MANF: variants seen among roughly 807,000 people sequenced by gnomAD.
MANF encodes mesencephalic astrocyte-derived neurotrophic factor.
Under a neutral mutation model 19.1 loss-of-function variants are expected in MANF, and 9 were observed. The observed-to-expected ratio is 0.47, with a 90% CI of 0.28 to 0.82. The LOEUF is 0.82. Among genes scored for constraint, MANF ranks in the 40% least tolerant of loss-of-function variants. The probability of loss-of-function intolerance (pLI) is 0.10; values close to 1 mark genes in which losing one functional copy is unlikely to be tolerated. For missense variants in MANF, 225 were observed against 226.7 expected, an observed-to-expected ratio of 0.99 and a Z score of 0.05; for synonymous variants, 89 against 88.0, an observed-to-expected ratio of 1.01 and a Z score of -0.06.
rs537784377 is a variant in MANF, at chr3:51,385,639, C to G, written c.94+203C>G. The G allele has an allele frequency of 4.2e-5, 16 of 382,222 alleles. No homozygotes were observed. In the South Asian group the frequency reaches 1.9e-3, roughly 44 times the overall value. The allele number at this position is 382,222 out of a possible 1,614,324, so 23.7% of individuals were successfully genotyped here. On this transcript the variant is annotated intron_variant, in intron 1 of 3. Coordinates refer to ENST00000528157, the MANE Select transcript of MANF (RefSeq NM_006010.6). ...TTCTTGGGCCTAGAAAACATTGGTC[C>G]GACGAAGAAAAGTTGAGACTAGATC...
At chr3:51,386,022 G>A in intron 1 of MANF, 186 bp from the exon 2 acceptor site, 1 of 607,084 alleles carries the variant, frequency 1.6e-6, no homozygotes, top group South Asian at 2.0e-5. Context: ...GGTGTACCAG[G>A]GGACCCCCGC....
Position 51,389,180 on chromosome 3 carries a change from G to C in MANF, c.*91G>C. 1 of 1,145,314 alleles carries C rather than the reference G, an allele frequency of 8.7e-7. No individual in the cohort carries two copies. The highest frequency in any genetic ancestry group is 1.3e-6 in the Non-Finnish European group (1 of 796,830). 70.9% of individuals were successfully genotyped at this position (1,145,314 alleles called of 1,614,324 possible). A position where few individuals can be genotyped will look rare whatever the true frequency, so the allele number is the denominator to read the frequency against. ...TTTTTGTAATTTATTTTTTAAGTGG[G>C]CTCCTGACAATACTGTATCAGATGT... On this transcript the variant is annotated 3_prime_UTR_variant, in exon 4 of 4. Coordinates refer to ENST00000528157, the MANE Select transcript of MANF (RefSeq NM_006010.6).
intron 1 of MANF, chr3:51,385,983 T>C (rs1199154391): frequency 1.4e-5 from 8 of 560,766 alleles, no homozygotes; most frequent in East Asian, 9.1e-5. Context: ...TATAGGTCAT[T>C]GGGTGATGCT....
intron 2 of MANF, 97 bp downstream of exon 2, chr3:51,386,432 A>AG: frequency 7.3e-7 from 1 of 1,370,118 alleles, no homozygotes; most frequent in Non-Finnish European, 1.0e-6. Context: ...CTCTCTGTTC[A>AG]GGAAGCCAGC....
At chr3:51,388,883 C>A (rs1553621143) in intron 3 of MANF, 22 bp from the exon 4 acceptor site, 1 of 1,531,600 alleles carries the variant, frequency 6.5e-7, no homozygotes, top group African/African-American at 1.4e-5. Flanking sequence ...CAGTCAGTGA[C>A]TCTCCCTGCT....
intron 1 of MANF, 32 bp downstream of exon 1, chr3:51,385,468 G>C: frequency 2.5e-6 from 3 of 1,208,490 alleles, no homozygotes; most frequent in Non-Finnish European, 3.1e-6. Flanking sequence ...GCCGCGCTCC[G>C]TGACCGTTCT....
chr3:51,386,573 C>T (rs1266732162), intron 2 of MANF, among the ~76,000 whole-genome samples: 2 of 152,158 alleles, frequency 1.3e-5, no homozygotes, highest in Admixed American at 1.3e-4. Context: ...GTGCTAGGCA[C>T]TGGGAATATC....
chr3:51,386,718 C>T (rs782412204), intron 2 of MANF, among the ~76,000 whole-genome samples: 1 of 152,188 alleles, frequency 6.6e-6, no homozygotes. Flanking sequence ...GGGGTAAGAC[C>T]ATCCCATACA....
intron 2 of MANF, chr3:51,387,144 G>A (rs1197489557): frequency 1.2e-5 from 4 of 334,446 alleles, no homozygotes; most frequent in Non-Finnish European, 2.4e-5. Flanking sequence ...GCAAAGTGGT[G>A]AAATCCTGTC....
chr3:51,389,124 A>C lies in MANF; in HGVS notation c.*35A>C, dbSNP rs1553621210. The C allele has an allele frequency of 6.3e-7, 1 of 1,579,176 alleles. No individual in the cohort carries two copies. The highest frequency in any genetic ancestry group is 2.3e-5 in the East Asian group (1 of 44,274). On this transcript the variant is annotated 3_prime_UTR_variant, in exon 4 of 4. Transcript: ENST00000528157. ...TCTCTGTTGCACCTGAGGGGGAAAAAACAGTTCAACTGCTTACTCCCAAAA... is the reference window on the plus strand; with the variant it reads ...TCTCTGTTGCACCTGAGGGGGAAAACACAGTTCAACTGCTTACTCCCAAAA...
At position 51,385,531 on chromosome 3, in the gene MANF, G is replaced by C. The variant is rs1300777655; in HGVS notation, c.94+95G>C. On this transcript the variant is annotated intron_variant, in intron 1 of 3. Coordinates refer to ENST00000528157, the MANE Select transcript of MANF (RefSeq NM_006010.6). ...ACCAGACGGCCGGGGCCAAGAGGGC[G>C]AGGGCGGGGGCGGGGGCGGGGGCGA... 4.3e-5 allele frequency: 26 copies of C among 606,624 alleles called. No individual in the cohort carries two copies. The Admixed American group carries it at 1.2e-3, about 28-fold the overall frequency. The allele number at this position is 606,624 out of a possible 1,614,324, so 37.6% of individuals were successfully genotyped here. A position where few individuals can be genotyped will look rare whatever the true frequency, so the allele number is the denominator to read the frequency against.
Position 51,389,092 on chromosome 3 carries a change from T to C in MANF, c.*3T>C, listed in dbSNP as rs781887937. On this transcript the variant is annotated 3_prime_UTR_variant, in exon 4 of 4. Coordinates refer to ENST00000528157, the MANE Select transcript of MANF (RefSeq NM_006010.6). ...CCAGTGCACGGACCGATTTGTAGTC[T>C]GCTCAATCTCTGTTGCACCTGAGGG... is the stretch of plus-strand genomic sequence containing the variant. The C allele has an allele frequency of 1.2e-6, 2 of 1,609,658 alleles. No homozygotes were observed. Among genetic ancestry groups the C allele is most frequent in the South Asian group, 1.1e-5 (1 of 89,842 alleles).
Position 51,386,302 on chromosome 3 carries a change from C to T in MANF, c.189C>T (p.Phe63=), listed in dbSNP as rs1264025072. Residue 63 remains phenylalanine, a synonymous_variant, in exon 2 of 4, where the codon TTC becomes TTT. Transcript: ENST00000528157. ...CTATTGAAAACGAACTTATAAAGTT[C>T]TGCCGGGAAGCAAGAGGCAAAGAGA... ...PATIENELIK[F]CREARGKENR... 1.2e-6 allele frequency: 2 copies of T among 1,613,858 alleles called. No individual in the cohort carries two copies. The highest frequency in any genetic ancestry group is 2.7e-5 in the African/African-American group (2 of 74,912).
In MANF at chr3:51,387,759, A is replaced by G; in HGVS notation, c.245A>G (p.Asp82Gly). Residue 82 changes from aspartate (D) to glycine (G), a missense_variant, in exon 3 of 4, where the codon GAT (aspartate) becomes GGT (glycine). Asp to Gly is a moderately conservative substitution (Grantham distance 94). Coordinates refer to ENST00000528157, the MANE Select transcript of MANF (RefSeq NM_006010.6). The part of the protein sequence containing the change: ...NRLCYYIGAT[D>G]DAATKIINEV... ...CAGTGCTACTATATCGGGGCCACAG[A>G]TGATGCAGCCACCAAAATCATCAAT... is the stretch of plus-strand genomic sequence containing the variant. 5 of 1,612,372 alleles carry G rather than the reference A, an allele frequency of 3.1e-6. No individual in the cohort carries two copies. Among genetic ancestry groups the G allele is most frequent in the Non-Finnish European group, 3.4e-6 (4 of 1,179,040 alleles).
chr3:51,389,146 A>T lies in MANF; in HGVS notation c.*57A>T, dbSNP rs1338216403. ...AAAAACAGTTCAACTGCTTACTCCC[A>T]AAACAGCCTTTTTGTAATTTATTTT... is the stretch of plus-strand genomic sequence containing the variant. On this transcript the variant is annotated 3_prime_UTR_variant, in exon 4 of 4. Coordinates refer to ENST00000528157, the MANE Select transcript of MANF (RefSeq NM_006010.6). 2.0e-6 allele frequency: 3 copies of T among 1,480,134 alleles called. No homozygotes were observed. The highest frequency in any genetic ancestry group is 2.8e-6 in the Non-Finnish European group (3 of 1,086,364). The allele number at this position is 1,480,134 out of a possible 1,614,324, so 91.7% of individuals were successfully genotyped here. A position where few individuals can be genotyped will look rare whatever the true frequency, so the allele number is the denominator to read the frequency against.
At position 51,386,353 on chromosome 3, in the gene MANF, CTCCCCAACTGGCCCTGGCTCATG is replaced by C. The variant is rs2088962211; in HGVS notation, c.222+20_222+42del. The C allele has an allele frequency of 6.2e-7, 1 of 1,613,490 alleles. No individual in the cohort carries two copies. Among genetic ancestry groups the C allele is most frequent in the African/African-American group, 1.3e-5 (1 of 74,916 alleles). ...ATCGGTTGGTAAGTAGCTGGTGATC[CTCCCCAACTGGCCCTGGCTCATG>C]TTAACCCTCGGCTTCACCAGCCGTT... On this transcript the variant is annotated intron_variant, in intron 2 of 3. Coordinates refer to ENST00000528157, the MANE Select transcript of MANF (RefSeq NM_006010.6).
chr3:51,387,540 G>C, intron 2 of MANF, 197 bp from the exon 3 acceptor site: 1 of 526,872 alleles, frequency 1.9e-6, no homozygotes, highest in African/African-American at 1.9e-5. Flanking sequence ...GTGGCTGAGA[G>C]GGGAGGATCA....
intron 1 of MANF, chr3:51,385,787 G>A (rs2088947989): frequency 3.5e-6 from 1 of 288,400 alleles, no homozygotes; most frequent in Non-Finnish European, 6.4e-6. Flanking sequence ...GCTGCGCCCT[G>A]TCTGTTGGGA....
rs781832738 is a variant in MANF, at chr3:51,386,218, T to G, written c.105T>G (p.Ser35=). The change falls in exon 2 of 4, where the codon TCT becomes TCG. Residue 35 remains serine, a synonymous_variant. Coordinates refer to ENST00000528157, the MANE Select transcript of MANF (RefSeq NM_006010.6). ...CCCTCTCTTTTCCAGTTTGTATTTC[T>G]TATCTGGGAAGATTTTACCAGGACC... ...LRPGDCEVCI[S]YLGRFYQDLK... is the part of the protein sequence containing the mutation. The G allele has an allele frequency of 1.9e-6, 3 of 1,613,600 alleles. No individual in the cohort carries two copies. Among genetic ancestry groups the G allele is most frequent in the Non-Finnish European group, 2.5e-6 (3 of 1,179,682 alleles).
Sources: allele counts gnomAD v4.1 joint callset (sites outside exome capture counted in the v4.1 genomes callset), GRCh38; gene constraint gnomAD v4.1.1; transcripts MANE v1.5; gene names NCBI Gene and HGNC (gene_info 2026-07-23, HGNC 2026-07-21).